Variants in GULP1 observed in about 807,000 individuals in gnomAD.
GULP1 encodes PTB domain-containing engulfment adapter protein 1.
In GULP1, 19 loss-of-function variants were observed where a neutral mutation model predicts 40.9. That is an observed-to-expected ratio of 0.46 (90% CI 0.32 to 0.68). The LOEUF is 0.68. Among genes scored for constraint, GULP1 ranks in the 30% least tolerant of loss-of-function variants. The probability of loss-of-function intolerance (pLI) is 0.03; values close to 1 mark genes in which losing one functional copy is unlikely to be tolerated. For synonymous variants in GULP1, 119 were observed against 117.6 expected (o/e 1.01, Z -0.08); for missense variants, 312 against 362.2 (o/e 0.86, Z 1.12).
At chr2:188,593,378 A>C (rs1204052338) in intron 11 of GULP1, 1 of 152,140 alleles carries the variant, frequency 6.6e-6, no homozygotes, top group Non-Finnish European at 1.5e-5. Context: ...GAGTCAAAGA[A>C]GCCAGTCCGC....
chr2:188,508,844 T>A (rs1042024087), intron 4 of GULP1, among the ~76,000 whole-genome samples: 1 of 151,934 alleles, frequency 6.6e-6, no homozygotes, highest in South Asian at 2.1e-4. Context: ...AGCAAATATT[T>A]ATTGAGTGCC....
intron 1 of GULP1, among the ~76,000 whole-genome samples, chr2:188,360,486 G>T (rs1003282898): frequency 6.6e-6 from 1 of 151,512 alleles, no homozygotes; most frequent in African/African-American, 2.4e-5. Flanking sequence ...AATCTTGGAT[G>T]CATCAAATCA....
intron 7 of GULP1, among the ~76,000 whole-genome samples, chr2:188,559,312 C>A (rs1439370249): frequency 6.6e-6 from 1 of 152,198 alleles, no homozygotes; most frequent in African/African-American, 2.4e-5. Context: ...AAGCCCCAAG[C>A]CTTGGCAGCA....
At chr2:188,579,593 T>C (rs565448270) in intron 9 of GULP1, among the ~76,000 whole-genome samples, 1 of 152,216 alleles carries the variant, frequency 6.6e-6, no homozygotes, top group African/African-American at 2.4e-5. Flanking sequence ...ACTGCCAAAT[T>C]GCTGATGATC....
At chr2:188,440,849 A>G (rs1269145815) in intron 2 of GULP1, among the ~76,000 whole-genome samples, 3 of 152,214 alleles carry the variant, frequency 2.0e-5, no homozygotes, top group Non-Finnish European at 2.9e-5. Context: ...TTCCACTTGT[A>G]TATTGGGAAA....
intron 2 of GULP1, among the ~76,000 whole-genome samples, chr2:188,471,347 T>G (rs1260153224): frequency 6.6e-6 from 1 of 152,034 alleles, no homozygotes; most frequent in African/African-American, 2.4e-5. Context: ...ATTGGAGAGT[T>G]TCGTCCATTT....
intron 1 of GULP1, among the ~76,000 whole-genome samples, chr2:188,345,794 G>A (rs1360821848): frequency 6.6e-6 from 1 of 152,150 alleles, no homozygotes; most frequent in African/African-American, 2.4e-5. Flanking sequence ...TTAGAAGAGA[G>A]GAGAAAATGA....
At chr2:188,452,687 G>A (rs964368768) in intron 2 of GULP1, among the ~76,000 whole-genome samples, 1 of 152,172 alleles carries the variant, frequency 6.6e-6, no homozygotes, top group African/African-American at 2.4e-5. Context: ...TACTTGGGAA[G>A]CACTAGTCCA....
chr2:188,518,606 C>T (rs998621187), intron 4 of GULP1, among the ~76,000 whole-genome samples: 29 of 152,026 alleles, frequency 1.9e-4, no homozygotes, highest in African/African-American at 6.3e-4. Context: ...CTCTGGAGGT[C>T]TTGAGTGTGA....
At chr2:188,346,629 A>G (rs550908655) in intron 1 of GULP1, among the ~76,000 whole-genome samples, 92 of 151,614 alleles carry the variant, frequency 6.1e-4, no homozygotes, top group African/African-American at 2.0e-3. Context: ...AGTAACTGGG[A>G]CTACAGGCGC....
At chr2:188,574,148 T>C (rs1010767187) in intron 9 of GULP1, among the ~76,000 whole-genome samples, 2 of 152,140 alleles carry the variant, frequency 1.3e-5, no homozygotes, top group Non-Finnish European at 2.9e-5. Context: ...TTAGCTTTAG[T>C]ATAGTCTCTT....
At chr2:188,309,677 GA>G (rs1300656274) in intron 1 of GULP1, among the ~76,000 whole-genome samples, 1 of 151,898 alleles carries the variant, frequency 6.6e-6, no homozygotes, top group Non-Finnish European at 1.5e-5. Flanking sequence ...GACATTGAGA[GA>G]AAAAAAATTT....
intron 4 of GULP1, among the ~76,000 whole-genome samples, chr2:188,516,127 T>C (rs2065147909): frequency 6.6e-6 from 1 of 152,160 alleles, no homozygotes; most frequent in Admixed American, 6.6e-5. Flanking sequence ...CCTCCTGACA[T>C]ATCTGCCCTG....
chr2:188,491,708 A>G (rs2062406812), intron 4 of GULP1: 2 of 152,098 alleles, frequency 1.3e-5, no homozygotes, highest in Admixed American at 6.6e-5. Flanking sequence ...CAGAAGACAA[A>G]CTAAGATTTC....
chr2:188,428,787 C>T (rs1379053175), intron 2 of GULP1, among the ~76,000 whole-genome samples: 2 of 151,980 alleles, frequency 1.3e-5, no homozygotes, highest in Non-Finnish European at 2.9e-5. Context: ...GTAGCAATGT[C>T]TAATGACTAC....
chr2:188,426,191 C>A (rs1249110862), intron 2 of GULP1, among the ~76,000 whole-genome samples: 1 of 152,148 alleles, frequency 6.6e-6, no homozygotes. Context: ...TAAGTGGATT[C>A]AAAGATTTTC....
intron 1 of GULP1, among the ~76,000 whole-genome samples, chr2:188,368,529 C>T (rs1436106293): frequency 6.6e-6 from 1 of 151,812 alleles, no homozygotes; most frequent in Non-Finnish European, 1.5e-5. Context: ...TGCAGTGAAC[C>T]GAGATAACAC....
chr2:188,303,050 T>C (rs906242113), intron 1 of GULP1, among the ~76,000 whole-genome samples: 1 of 152,184 alleles, frequency 6.6e-6, no homozygotes, highest in Non-Finnish European at 1.5e-5. Flanking sequence ...TCCTGTTCTT[T>C]AATAATGTCA....
chr2:188,340,790 C>T (rs1362791011), intron 1 of GULP1, among the ~76,000 whole-genome samples: 1 of 152,050 alleles, frequency 6.6e-6, no homozygotes, highest in Non-Finnish European at 1.5e-5. Context: ...CTTTATTGCC[C>T]ATGGAGGTGG....
Sources: gnomAD v4.1 joint callset for allele counts (sites outside exome capture counted in the v4.1 genomes callset) on GRCh38, gnomAD v4.1.1 for gene constraint, MANE v1.5 for transcripts, NCBI Gene and HGNC (gene_info 2026-07-23, HGNC 2026-07-21) for gene names.